Variants in OTOA observed in about 807,000 individuals in gnomAD.
The protein encoded by OTOA is cancer/testis antigen 108.
Under a neutral mutation model 110.8 loss-of-function variants are expected in OTOA, and 70 were observed. The observed-to-expected ratio is 0.63, with a 90% CI of 0.52 to 0.77. The LOEUF is 0.77. OTOA is among the 30% of genes least tolerant of loss of function. OTOA has a pLI of 0.00. For missense variants in OTOA, 917 were observed against 1,075.8 expected (o/e 0.85, Z 2.06); for synonymous variants, 373 against 431.5 (o/e 0.86, Z 1.68).
intron 8 of OTOA, among the ~76,000 whole-genome samples, chr16:21,689,933 G>T (rs1897795104): frequency 6.6e-6 from 1 of 152,106 alleles, no homozygotes; most frequent in African/African-American, 2.4e-5. Flanking sequence ...TGATCCGCCT[G>T]CCTTGGCTTC....
intron 20 of OTOA, chr16:21,730,006 T>A (rs1899056338): frequency 6.6e-6 from 1 of 152,186 alleles, no homozygotes; most frequent in South Asian, 2.1e-4. Context: ...CTCCTTTGTG[T>A]AAATACCAAA....
intron 1 of OTOA, among the ~76,000 whole-genome samples, chr16:21,665,924 A>G (rs1403706225): frequency 6.6e-6 from 1 of 151,778 alleles, no homozygotes; most frequent in Non-Finnish European, 1.5e-5. Context: ...TCGACCTCCC[A>G]GGCTCAGGCA....
At chr16:21,705,685 A>T (rs1898150962) in intron 12 of OTOA, among the ~76,000 whole-genome samples, 1 of 151,756 alleles carries the variant, frequency 6.6e-6, no homozygotes, top group Non-Finnish European at 1.5e-5. Context: ...GGTGGTTCAC[A>T]CCTGTAATCC....
chr16:21,711,957 A>G (rs1000533994), intron 13 of OTOA, among the ~76,000 whole-genome samples: 1 of 152,194 alleles, frequency 6.6e-6, no homozygotes. Flanking sequence ...ACAAGCACCC[A>G]TTATAATTGC....
At chr16:21,753,247 GAGAT>G in intron 27 of OTOA, 123 bp downstream of exon 27, 3 of 476,288 alleles carry the variant, frequency 6.3e-6, no homozygotes, top group South Asian at 2.1e-5. Flanking sequence ...GGGGTCAGAG[GAGAT>G]CTGTGTGAGT....
chr16:21,713,832 G>T (rs896903155), intron 13 of OTOA, among the ~76,000 whole-genome samples: 2 of 152,128 alleles, frequency 1.3e-5, no homozygotes, highest in African/African-American at 4.8e-5. Context: ...TGAAGGCTTT[G>T]AATCCTTGTT....
intron 24 of OTOA, chr16:21,748,694 G>C (rs200835029): frequency 1.3e-5 from 2 of 152,306 alleles, no homozygotes; most frequent in East Asian, 3.8e-4. Context: ...AGAAACATGA[G>C]AAATCTTCCT....
At chr16:21,681,851 GT>G in intron 6 of OTOA, 26 bp downstream of exon 6, 1 of 1,595,920 alleles carries the variant, frequency 6.3e-7, no homozygotes, top group Non-Finnish European at 8.6e-7. Flanking sequence ...CCATCTATAT[GT>G]TCCCATCTCA....
intron 24 of OTOA, among the ~76,000 whole-genome samples, chr16:21,749,642 G>A (rs866503207): frequency 0.017 from 2,286 of 133,554 alleles, 1 homozygote; most frequent in Non-Finnish European, 0.026. Context: ...TGCCTTGTGA[G>A]GTCTTATAAT....
intron 10 of OTOA, among the ~76,000 whole-genome samples, 162 bp from the exon 11 acceptor site, chr16:21,700,724 CAA>C (rs3054189): frequency 1.7e-5 from 2 of 115,706 alleles, no homozygotes; most frequent in Admixed American, 1.9e-4. Flanking sequence ...GACTCCATCT[CAA>C]AAAAAAAAAA....
intron 17 of OTOA, among the ~76,000 whole-genome samples, chr16:21,721,803 G>C (rs1008127877): frequency 6.6e-6 from 1 of 151,962 alleles, no homozygotes; most frequent in Non-Finnish European, 1.5e-5. Flanking sequence ...GAGGCAGGAG[G>C]ATCACTTGAA....
At chr16:21,720,142 G>T (rs1014618044) in intron 17 of OTOA, among the ~76,000 whole-genome samples, 1 of 151,978 alleles carries the variant, frequency 6.6e-6, no homozygotes, top group Non-Finnish European at 1.5e-5. Flanking sequence ...TTTTTGCAGA[G>T]ATAGGGTCTT....
intron 10 of OTOA, among the ~76,000 whole-genome samples, chr16:21,699,869 A>T (rs1366274718): frequency 6.6e-6 from 1 of 152,016 alleles, no homozygotes; most frequent in Non-Finnish European, 1.5e-5. Flanking sequence ...CAGTGAGCTG[A>T]GATTGTGCCA....
intron 13 of OTOA, among the ~76,000 whole-genome samples, chr16:21,714,172 G>C (rs1898442609): frequency 6.6e-6 from 1 of 151,446 alleles, no homozygotes; most frequent in African/African-American, 2.4e-5. Flanking sequence ...CTAAAGGAAG[G>C]AAAAAAAACC....
At chr16:21,665,110 G>C (rs1966836932) in intron 1 of OTOA, among the ~76,000 whole-genome samples, 1 of 152,190 alleles carries the variant, frequency 6.6e-6, no homozygotes, top group Non-Finnish European at 1.5e-5. Flanking sequence ...TAAGGAATTT[G>C]CCCAATAGCA....
intron 7 of OTOA, among the ~76,000 whole-genome samples, chr16:21,686,783 C>A (rs1043849203): frequency 6.6e-6 from 1 of 152,088 alleles, no homozygotes; most frequent in African/African-American, 2.4e-5. Flanking sequence ...GTCCCAGCTA[C>A]TTGGGAGGCT....
In OTOA at chr16:21,733,846, C is replaced by A. The variant is rs1314489958; in HGVS notation, c.2302-2415C>A. 1.4e-4 allele frequency among the ~76,000 whole-genome samples: 21 copies of A among 152,172 alleles called. 1 individual carries two copies. The highest frequency in any genetic ancestry group is 1.2e-3 in the Admixed American group (19 of 15,266). ...ATGGAGTCTAGCTGTGTTGCCCAGG[C>A]CGGAATGCAGTGGCACGATTTCGGC... On this transcript the variant is annotated intron_variant, in intron 21 of 28. Transcript: ENST00000646100.
Position 21,724,864 on chromosome 16 carries a change from C to T in OTOA, c.1881-1659C>T, listed in dbSNP as rs147985958. Among the ~76,000 whole-genome samples, 38 of 152,048 alleles carry T rather than the reference C, an allele frequency of 2.5e-4. No homozygotes were observed. The East Asian group carries it at 6.8e-3, about 27-fold the overall frequency. On this transcript the variant is annotated intron_variant, in intron 18 of 28. Transcript: ENST00000646100. ...TAATCTTGGCTCATTGCAACCTCCG[C>T]CACCTGGGTTCAAGAGATTCTCCTA...
intron 18 of OTOA, among the ~76,000 whole-genome samples, chr16:21,724,561 C>T (rs1898855532): frequency 6.6e-6 from 1 of 152,064 alleles, no homozygotes; most frequent in Non-Finnish European, 1.5e-5. Flanking sequence ...ATAGCCACTA[C>T]CCACATAGAG....
Sources: gnomAD v4.1 joint callset for allele counts (sites outside exome capture counted in the v4.1 genomes callset) on GRCh38, gnomAD v4.1.1 for gene constraint, MANE v1.5 for transcripts, NCBI Gene and HGNC (gene_info 2026-07-23, HGNC 2026-07-21) for gene names.